The following TRPC3 variants were observed in gnomAD, a reference collection of about 807,000 sequenced individuals.
TRPC3 encodes transient receptor potential cation channel subfamily C member 3.
A neutral mutation model predicts 90.9 loss-of-function variants in TRPC3; 54 were observed. That is an observed-to-expected ratio of 0.59 (90% confidence interval 0.48 to 0.75). The LOEUF is 0.75. Among genes scored for constraint, TRPC3 ranks in the 30% least tolerant of loss-of-function variants. The pLI is 0.00. For missense variants in TRPC3, 918 were observed against 1,194.5 expected (o/e 0.77, Z 3.41); for synonymous variants, 424 against 450.9 (o/e 0.94, Z 0.75).
chr4:121,933,407 G>T, intron 1 of TRPC3: 1 of 173,008 alleles, frequency 5.8e-6, no homozygotes, highest in Non-Finnish European at 1.2e-5. Flanking sequence ...ATTGAGGCTT[G>T]CAGGTACTTG....
At chr4:121,931,329 A>G (rs1231612142) in intron 2 of TRPC3, among the ~76,000 whole-genome samples, 1 of 152,228 alleles carries the variant, frequency 6.6e-6, no homozygotes, top group Non-Finnish European at 1.5e-5. Flanking sequence ...GATGTCTACA[A>G]TCGTCTTTTT....
Position 121,925,713 on chromosome 4 carries a change from C to T in TRPC3, c.988-507G>A, listed in dbSNP as rs185050264. ...AATGTCTCACTACCACAAAAAGTAACGTGAGGTGACAGATATGTTAATTAG... is the reference window on the plus strand; with the variant it reads ...AATGTCTCACTACCACAAAAAGTAATGTGAGGTGACAGATATGTTAATTAG... On this transcript the variant is annotated intron_variant, in intron 2 of 11. Coordinates refer to ENST00000379645, the MANE Select transcript of TRPC3 (RefSeq NM_001130698.2). Among the ~76,000 whole-genome samples, 312 of 152,248 alleles carry T rather than the reference C, an allele frequency of 2.0e-3. 1 individual carries two copies. Among genetic ancestry groups the T allele is most frequent in the Middle Eastern group, 3.4e-3 (1 of 294 alleles).
intron 3 of TRPC3, among the ~76,000 whole-genome samples, chr4:121,917,273 G>A (rs1420657153): frequency 3.3e-5 from 5 of 152,102 alleles, no homozygotes; most frequent in Admixed American, 2.6e-4. Flanking sequence ...TTGAACTCAC[G>A]AATATCAAAG....
At chr4:121,912,934 C>T (rs532456443) in intron 4 of TRPC3, among the ~76,000 whole-genome samples, 1 of 152,332 alleles carries the variant, frequency 6.6e-6, no homozygotes, top group East Asian at 1.9e-4. Context: ...GTAGATTTAT[C>T]AAGTATGTTC....
At chr4:121,921,670 C>A (rs946373958) in intron 3 of TRPC3, among the ~76,000 whole-genome samples, 2 of 151,824 alleles carry the variant, frequency 1.3e-5, no homozygotes, top group African/African-American at 4.8e-5. Context: ...TGGGGGAGTC[C>A]ATAACATATA....
At chr4:121,914,573 C>T (rs777702212) in intron 4 of TRPC3, among the ~76,000 whole-genome samples, 1 of 151,352 alleles carries the variant, frequency 6.6e-6, no homozygotes, top group African/African-American at 2.5e-5. Flanking sequence ...TTTATGCCTG[C>T]AAATGTGGTA....
At chr4:121,891,469 C>T (rs1728327329) in intron 10 of TRPC3, among the ~76,000 whole-genome samples, 2 of 152,224 alleles carry the variant, frequency 1.3e-5, no homozygotes, top group South Asian at 4.1e-4. Flanking sequence ...ATAGTCCTGA[C>T]AAGGTAGTGA....
intron 2 of TRPC3, among the ~76,000 whole-genome samples, chr4:121,928,442 C>T (rs944691310): frequency 2.0e-4 from 31 of 152,158 alleles, no homozygotes; most frequent in African/African-American, 7.5e-4. Flanking sequence ...TGGAGAACTC[C>T]AGCTAAGAAC....
Position 121,911,968 on chromosome 4 carries a change from A to G in TRPC3, c.1467T>C (p.Asn489=), listed in dbSNP as rs989983148. The change falls in exon 5 of 12, where the codon AAT becomes AAC. Residue 489 remains asparagine (N), a synonymous_variant. Transcript: ENST00000379645. ...GTTTGGGATAGTCAGTAACTGTGATATTGGGCAGCGTGGTGATGCCTTCGA... is the reference window on the plus strand; with the variant it reads ...GTTTGGGATAGTCAGTAACTGTGATGTTGGGCAGCGTGGTGATGCCTTCGA... ...DRFEGITTLP[N]ITVTDYPKQI... 3 of 1,613,972 alleles carry G rather than the reference A, an allele frequency of 1.9e-6. No individual in the cohort carries two copies. Among genetic ancestry groups the G allele is most frequent in the East Asian group, 2.2e-5 (1 of 44,872 alleles).
intron 3 of TRPC3, among the ~76,000 whole-genome samples, chr4:121,916,806 C>T (rs534057227): frequency 5.3e-5 from 8 of 152,214 alleles, no homozygotes; most frequent in Non-Finnish European, 8.8e-5. Flanking sequence ...CTCCACCTCC[C>T]GGGTTCAAGT....
chr4:121,948,426 G>A (rs887049161), intron 1 of TRPC3, among the ~76,000 whole-genome samples: 8 of 150,834 alleles, frequency 5.3e-5, no homozygotes, highest in Non-Finnish European at 1.0e-4. Flanking sequence ...CTATTACAGA[G>A]TCTAATCTCA....
chr4:121,904,723 A>G (rs1286813419), intron 7 of TRPC3, among the ~76,000 whole-genome samples: 3 of 152,158 alleles, frequency 2.0e-5, no homozygotes, highest in Non-Finnish European at 2.9e-5. Flanking sequence ...AATGGTGCCA[A>G]TGCCTAGCTT....
intron 1 of TRPC3, among the ~76,000 whole-genome samples, chr4:121,944,082 A>T (rs1730410303): frequency 6.6e-6 from 1 of 152,150 alleles, no homozygotes; most frequent in African/African-American, 2.4e-5. Flanking sequence ...ACATCTGCAG[A>T]CCCTCTGTAT....
At chr4:121,946,715 AGGGAATTGCTG>A (rs1344896614) in intron 1 of TRPC3, among the ~76,000 whole-genome samples, 1 of 152,234 alleles carries the variant, frequency 6.6e-6, no homozygotes, top group African/African-American at 2.4e-5. Context: ...AGAAGGGACC[AGGGAATTGCTG>A]GGGGCTTGCT....
At chr4:121,938,766 G>C (rs949629267) in intron 1 of TRPC3, among the ~76,000 whole-genome samples, 1 of 152,032 alleles carries the variant, frequency 6.6e-6, no homozygotes, top group Non-Finnish European at 1.5e-5. Flanking sequence ...GGCTGTACCT[G>C]ATTCTCCTCT....
chr4:121,908,648 G>T (rs572636895), intron 6 of TRPC3, among the ~76,000 whole-genome samples: 18 of 152,220 alleles, frequency 1.2e-4, no homozygotes, highest in African/African-American at 4.1e-4. Flanking sequence ...AATACAGCAG[G>T]TTTTCACTTA....
At position 121,951,331 on chromosome 4, in the gene TRPC3, A is replaced by G; in HGVS notation, c.215+135T>C. The G allele has an allele frequency of 1.9e-6, 1 of 536,058 alleles. No individual in the cohort carries two copies. The highest frequency in any genetic ancestry group is 2.5e-6 in the Non-Finnish European group (1 of 392,520). The allele number at this position is 536,058 out of a possible 1,614,324, so 33.2% of individuals were successfully genotyped here. ...GGTCTGTCCCCTCCAAATCACTCCA[A>G]ATCGAACTGCCTGGCCGTACCATGT... On this transcript the variant is annotated intron_variant, in intron 1 of 11. Coordinates refer to ENST00000379645, the MANE Select transcript of TRPC3 (RefSeq NM_001130698.2). This position sits in a 1 kb window ranked among gnomAD's most constrained non-coding sequence, Gnocchi z 4.4.
intron 10 of TRPC3, among the ~76,000 whole-genome samples, chr4:121,888,335 T>A (rs559686892): frequency 2.6e-5 from 4 of 152,274 alleles, no homozygotes; most frequent in South Asian, 4.1e-4. Context: ...GATCATTTTT[T>A]AAAAAAATGC....
intron 10 of TRPC3, among the ~76,000 whole-genome samples, chr4:121,893,692 A>C (rs574447202): frequency 5.3e-5 from 8 of 152,196 alleles, no homozygotes; most frequent in African/African-American, 1.7e-4. Context: ...AATACTTTAA[A>C]TATTAAAAAG....
Sources: allele counts gnomAD v4.1 joint callset (sites outside exome capture counted in the v4.1 genomes callset), GRCh38; gene constraint gnomAD v4.1.1; non-coding constraint Gnocchi (gnomAD v3.1); transcripts MANE v1.5; gene names NCBI Gene and HGNC (gene_info 2026-07-23, HGNC 2026-07-21).